Variants in ANGPT1 observed in about 807,000 individuals in gnomAD.
ANGPT1 encodes angiopoietin 1, also known as angiopoietin-1.
Under a neutral mutation model 62.2 loss-of-function variants are expected in ANGPT1, and 17 were observed. The observed-to-expected ratio is 0.27, with a 90% CI of 0.19 to 0.41. The LOEUF is 0.41. Ranked by LOEUF, ANGPT1 falls within the 10% of genes least tolerant of loss-of-function variation. The pLI, the probability that ANGPT1 is intolerant of heterozygous loss-of-function variation, is 1.00. For synonymous variants in ANGPT1, 199 were observed against 198.9 expected (o/e 1.00, Z 0.00); for missense variants, 478 against 594.9 (o/e 0.80, Z 2.04).
chr8:107,357,984 T>G (rs959948070), intron 1 of ANGPT1, among the ~76,000 whole-genome samples: 2 of 152,224 alleles, frequency 1.3e-5, no homozygotes, highest in African/African-American at 4.8e-5. Flanking sequence ...ATGAAGTTGC[T>G]TTGTTGGTTG....
intron 1 of ANGPT1, among the ~76,000 whole-genome samples, chr8:107,417,642 T>C (rs1289530998): frequency 6.6e-6 from 1 of 152,140 alleles, no homozygotes; most frequent in Non-Finnish European, 1.5e-5. Context: ...TAGGACCAGT[T>C]AAATGGGGCT....
intron 8 of ANGPT1, among the ~76,000 whole-genome samples, chr8:107,261,561 C>T (rs1813491697): frequency 6.6e-6 from 1 of 151,566 alleles, no homozygotes; most frequent in Admixed American, 6.6e-5. Context: ...AAAAATTAGC[C>T]GGGCGTGGTG....
At chr8:107,327,119 A>G (rs1287986817) in intron 3 of ANGPT1, among the ~76,000 whole-genome samples, 1 of 152,122 alleles carries the variant, frequency 6.6e-6, no homozygotes, top group East Asian at 1.9e-4. Context: ...TAAAAACAGA[A>G]TTACTTTGTC....
chr8:107,464,615 C>T (rs1022494014), intron 1 of ANGPT1, among the ~76,000 whole-genome samples: 3 of 152,062 alleles, frequency 2.0e-5, no homozygotes, highest in Non-Finnish European at 4.4e-5. Context: ...TAGAATCACG[C>T]TCTCTGAATT....
intron 1 of ANGPT1, 39 bp from the exon 2 acceptor site, chr8:107,347,136 C>A: frequency 6.4e-7 from 1 of 1,566,880 alleles, no homozygotes; most frequent in Non-Finnish European, 8.7e-7. Context: ...ACATTATAAG[C>A]AAGGCCTCCC....
At position 107,449,694 on chromosome 8, in the gene ANGPT1, C is replaced by A. The variant is rs185557086; in HGVS notation, c.297+47568G>T. Among the ~76,000 whole-genome samples, 64 of 152,172 alleles carry A rather than the reference C, an allele frequency of 4.2e-4. No individual in the cohort carries two copies. The East Asian group carries it at 0.011, about 26-fold the overall frequency. ...ATGTTTTCAACTGTTGCATGACTTC[C>A]TTGCATTAGCACACACGTTTTGAGT... On this transcript the variant is annotated intron_variant, in intron 1 of 8. Transcript: ENST00000517746.
At chr8:107,270,624 T>C (rs1322375576) in intron 7 of ANGPT1, among the ~76,000 whole-genome samples, 1 of 152,032 alleles carries the variant, frequency 6.6e-6, no homozygotes, top group African/African-American at 2.4e-5. Flanking sequence ...GCATGTATGT[T>C]AGCACTGACT....
At chr8:107,463,064 G>C (rs1812112426) in intron 1 of ANGPT1, among the ~76,000 whole-genome samples, 1 of 152,094 alleles carries the variant, frequency 6.6e-6, no homozygotes, top group Non-Finnish European at 1.5e-5. Context: ...CAATAAACTG[G>C]TAAAGTTGAT....
At chr8:107,397,783 T>C (rs1816964974) in intron 1 of ANGPT1, among the ~76,000 whole-genome samples, 1 of 152,130 alleles carries the variant, frequency 6.6e-6, no homozygotes, top group Non-Finnish European at 1.5e-5. Flanking sequence ...TGGGGTCTGT[T>C]GAGGTCATAT....
intron 1 of ANGPT1, among the ~76,000 whole-genome samples, chr8:107,392,012 C>A (rs1159958748): frequency 6.6e-6 from 1 of 152,112 alleles, no homozygotes. Flanking sequence ...TGGTGCATGA[C>A]TGTAATAGCT....
At chr8:107,485,245 C>T (rs1472516984) in intron 1 of ANGPT1, among the ~76,000 whole-genome samples, 1 of 152,134 alleles carries the variant, frequency 6.6e-6, no homozygotes, top group African/African-American at 2.4e-5. Context: ...CAATAGACAG[C>T]GCAGGTCAAG....
chr8:107,318,909 C>T (rs1275156502), intron 4 of ANGPT1, among the ~76,000 whole-genome samples: 2 of 152,188 alleles, frequency 1.3e-5, no homozygotes, highest in South Asian at 2.1e-4. Context: ...TGGTGTACTA[C>T]ATACCTACCG....
intron 1 of ANGPT1, among the ~76,000 whole-genome samples, chr8:107,398,485 AT>A (rs994158916): frequency 5.8e-5 from 8 of 137,434 alleles, no homozygotes; most frequent in Admixed American, 3.9e-4. Context: ...ATAAATGTTA[AT>A]TTTTTTCTTT....
intron 1 of ANGPT1, among the ~76,000 whole-genome samples, chr8:107,477,726 C>A (rs1812568587): frequency 6.6e-6 from 1 of 152,066 alleles, no homozygotes; most frequent in Non-Finnish European, 1.5e-5. Flanking sequence ...AGCTCATTCA[C>A]TTTCCTTCTG....
intron 5 of ANGPT1, among the ~76,000 whole-genome samples, chr8:107,299,578 T>C (rs1375559716): frequency 7.2e-6 from 1 of 138,464 alleles, no homozygotes; most frequent in African/African-American, 2.7e-5. Flanking sequence ...ATATATAGCA[T>C]ATATAGATAT....
In ANGPT1 at chr8:107,250,106, CATT is replaced by C; in HGVS notation, c.*1746_*1748del. On this transcript the variant is annotated 3_prime_UTR_variant, in exon 9 of 9. Transcript: ENST00000517746. ...CTTTATTTTCTCAAATGGAGGAAAC[CATT>C]AAGGCATAGTGGATCAAGTCACCAA... 1 of 152,428 alleles carries C rather than the reference CATT, an allele frequency of 6.6e-6. No individual in the cohort carries two copies. The highest frequency in any genetic ancestry group is 1.5e-5 in the Non-Finnish European group (1 of 67,974). The allele number at this position is 152,428 out of a possible 1,614,324, so 9.4% of individuals were successfully genotyped here.
chr8:107,440,981 C>G (rs997113998), intron 1 of ANGPT1, among the ~76,000 whole-genome samples: 4 of 152,154 alleles, frequency 2.6e-5, no homozygotes, highest in African/African-American at 7.2e-5. Flanking sequence ...GGAAATAAAT[C>G]TAGCAGAAAC....
intron 3 of ANGPT1, among the ~76,000 whole-genome samples, chr8:107,326,140 T>G (rs539254356): frequency 6.6e-6 from 1 of 152,282 alleles, no homozygotes; most frequent in African/African-American, 2.4e-5. Context: ...TTTGTCATCT[T>G]AGAATAGACA....
chr8:107,272,365 T>C (rs1232811365), intron 7 of ANGPT1, among the ~76,000 whole-genome samples: 3 of 152,072 alleles, frequency 2.0e-5, no homozygotes, highest in Non-Finnish European at 2.9e-5. Context: ...TTTTAGATAT[T>C]AGCTTGTATA....
Sources: gnomAD v4.1 joint callset for allele counts (sites outside exome capture counted in the v4.1 genomes callset) on GRCh38, gnomAD v4.1.1 for gene constraint, MANE v1.5 for transcripts, NCBI Gene and HGNC (gene_info 2026-07-23, HGNC 2026-07-21) for gene names.